The following CTSB variants were observed in gnomAD, a reference collection of about 807,000 sequenced individuals.
CTSB encodes APP secretase.
In CTSB, 57 loss-of-function variants were observed where a neutral mutation model predicts 44.3. The ratio of observed to expected loss-of-function variants is 1.29; its 90% CI spans 1.04 to 1.60. The LOEUF is 1.60. Ranked by LOEUF, CTSB falls within the 40% of genes most tolerant of loss-of-function variation. The probability of loss-of-function intolerance (pLI) is 0.00; values close to 1 mark genes in which losing one functional copy is unlikely to be tolerated. For synonymous variants in CTSB, 320 were observed against 168.0 expected (o/e 1.91, Z -7.00); for missense variants, 768 against 443.0 (o/e 1.73, Z -6.59).
At chr8:11,847,015 C>A (rs1199988861) in intron 8 of CTSB, 37 bp downstream of exon 8, 5 of 1,066,490 alleles carry the variant, frequency 4.7e-6, no homozygotes, top group Non-Finnish European at 5.9e-6. Flanking sequence ...CCCCTCCCGA[C>A]CCCCACCCTC....
At chr8:11,867,589 T>C (rs977321732) in intron 1 of CTSB, 1 of 152,228 alleles carries the variant, frequency 6.6e-6, no homozygotes, top group African/African-American at 2.4e-5. Flanking sequence ...TGTCGGCAGT[T>C]TGGCCCGGAG....
chr8:11,863,589 C>A (rs1420441142), intron 1 of CTSB, among the ~76,000 whole-genome samples: 1 of 152,182 alleles, frequency 6.6e-6, no homozygotes, highest in Admixed American at 6.5e-5. Flanking sequence ...AACATCAGAC[C>A]TTGGCGATGA....
In CTSB at chr8:11,847,820, A is replaced by C; in HGVS notation, c.535T>G (p.Cys179Gly). Residue 179 changes from cysteine (C) to glycine (G), a missense_variant and splice_region_variant, in exon 7 of 10, where the codon TGC becomes GGC. By Grantham distance (159) the Cys-to-Gly change is radical. Transcript: ENST00000353047. ...CAGGGAGGGATGGAGTACGGTCTGC[A>C]CCCTGATGGGACGCGGGAGAAAGCG... ...SGGLYESHVG[C>G]RPYSIPPCEH... 6.3e-7 allele frequency: 1 copy of C among 1,591,122 alleles called. No homozygotes were observed. Among genetic ancestry groups the C allele is most frequent in the Non-Finnish European group, 8.5e-7 (1 of 1,173,590 alleles).
chr8:11,846,971 A>G (rs1423805031), intron 8 of CTSB, 81 bp downstream of exon 8: 2 of 770,134 alleles, frequency 2.6e-6, no homozygotes, highest in African/African-American at 1.8e-5. Flanking sequence ...ATCCAGCCCT[A>G]TTGGTCAACA....
In CTSB at chr8:11,844,801, C is replaced by A; in HGVS notation, c.*324G>T. On this transcript the variant is annotated 3_prime_UTR_variant, in exon 10 of 10. Coordinates refer to ENST00000353047, the MANE Select transcript of CTSB (RefSeq NM_001908.5). ...CTGTTAGGAACTCCGCTTTCCATTC[C>A]TGCGTCTCTGTCTTGCTCCCTGGAG... is the stretch of plus-strand genomic sequence containing the variant. 7.4e-6 allele frequency: 2 copies of A among 269,492 alleles called. No homozygotes were observed. The highest frequency in any genetic ancestry group is 4.8e-5 in the Admixed American group (1 of 21,024). 16.7% of individuals were successfully genotyped at this position (269,492 alleles called of 1,614,324 possible). A position where few individuals can be genotyped will look rare whatever the true frequency, so the allele number is the denominator to read the frequency against.
chr8:11,846,520 G>C (rs961382646), intron 8 of CTSB: 1 of 152,854 alleles, frequency 6.5e-6, no homozygotes, highest in Non-Finnish European at 1.5e-5. Flanking sequence ...CTTGGGGATG[G>C]GGACTGTCCA....
chr8:11,850,024 G>C (rs1386640178), intron 4 of CTSB: 1 of 152,318 alleles, frequency 6.6e-6, no homozygotes, highest in Non-Finnish European at 1.5e-5. Flanking sequence ...GGTGTTAATG[G>C]GGACAGAGTT....
At chr8:11,855,385 G>A (rs1242248358) in intron 1 of CTSB, among the ~76,000 whole-genome samples, 5 of 152,198 alleles carry the variant, frequency 3.3e-5, no homozygotes, top group African/African-American at 7.2e-5. Context: ...GGCTGGGTGC[G>A]GTGGCTGATG....
chr8:11,853,641 C>G, intron 1 of CTSB, 162 bp from the exon 2 acceptor site: 1 of 656,842 alleles, frequency 1.5e-6, no homozygotes, highest in Non-Finnish European at 2.4e-6. Context: ...CCCCGCCCCC[C>G]TGCCCGAAGC....
intron 9 of CTSB, 111 bp from the exon 10 acceptor site, chr8:11,845,333 G>A (rs1194447997): frequency 2.5e-6 from 2 of 809,934 alleles, no homozygotes; most frequent in Admixed American, 2.1e-5. Flanking sequence ...CCTGCTGTTG[G>A]CCCACTAGCA....
At chr8:11,853,112 C>T (rs1487398897) in intron 2 of CTSB, among the ~76,000 whole-genome samples, 1 of 152,082 alleles carries the variant, frequency 6.6e-6, no homozygotes, top group African/African-American at 2.4e-5. Flanking sequence ...ACCATATATT[C>T]ATACACATGC....
At chr8:11,845,407 C>G (rs532769446) in intron 9 of CTSB, among the ~76,000 whole-genome samples, 185 bp from the exon 10 acceptor site, 1 of 152,224 alleles carries the variant, frequency 6.6e-6, no homozygotes, top group Admixed American at 6.5e-5. Context: ...AGCCCCCTGC[C>G]CGGTCACCCT....
chr8:11,845,252 G>A, intron 9 of CTSB, 30 bp from the exon 10 acceptor site: 1 of 1,527,636 alleles, frequency 6.5e-7, no homozygotes, highest in South Asian at 1.1e-5. Context: ...TGCTTTTAAA[G>A]TGTGACAAGG....
chr8:11,846,674 C>G (rs145734531), intron 8 of CTSB, among the ~76,000 whole-genome samples: 55 of 152,308 alleles, frequency 3.6e-4, no homozygotes, highest in Middle Eastern at 6.8e-3. Flanking sequence ...GAACGGCCTG[C>G]CATTATAACA....
In CTSB at chr8:11,852,602, G is replaced by T; in HGVS notation, c.212+8C>A. 1 of 1,610,502 alleles carries T rather than the reference G, an allele frequency of 6.2e-7. No individual in the cohort carries two copies. The highest frequency in any genetic ancestry group is 8.5e-7 in the Non-Finnish European group (1 of 1,177,592). ...ACATTACAGCGGTGCAGAGGAGCAG[G>T]CACTCACCTCTGGGGTGGCTTGGGC... On this transcript the variant is annotated splice_region_variant and intron_variant, in intron 3 of 9. Coordinates refer to ENST00000353047, the MANE Select transcript of CTSB (RefSeq NM_001908.5).
chr8:11,866,660 G>C (rs1357084193), intron 1 of CTSB, among the ~76,000 whole-genome samples: 6 of 152,210 alleles, frequency 3.9e-5, no homozygotes, highest in African/African-American at 1.4e-4. Context: ...AGGAGGTCAA[G>C]ATCTGCCTGG....
chr8:11,848,863 G>A (rs1813968483), intron 5 of CTSB, among the ~76,000 whole-genome samples, 183 bp downstream of exon 5: 1 of 152,172 alleles, frequency 6.6e-6, no homozygotes, highest in African/African-American at 2.4e-5. Context: ...GGCCAGCCTT[G>A]GTTCAGGCAC....
chr8:11,860,332 T>C (rs934173730), intron 1 of CTSB, among the ~76,000 whole-genome samples: 1 of 151,794 alleles, frequency 6.6e-6, no homozygotes, highest in Non-Finnish European at 1.5e-5. Context: ...CTCTAAAGAA[T>C]TGAAAGTTGG....
In CTSB at chr8:11,844,701, CCT is replaced by C. The variant is rs1200793859; in HGVS notation, c.*422_*423del. ...CCAAAGGGCTCCCAACACCGTCTCT[CCT>C]CTGATTTCTGTGACAAATGTGGAAA... On this transcript the variant is annotated 3_prime_UTR_variant, in exon 10 of 10. Transcript: ENST00000353047. 2 of 167,538 alleles carry C rather than the reference CCT, an allele frequency of 1.2e-5. No homozygotes were observed. The highest frequency in any genetic ancestry group is 5.8e-5 in the Admixed American group (1 of 17,170). The allele number at this position is 167,538 out of a possible 1,614,324, so 10.4% of individuals were successfully genotyped here.
Sources: allele counts gnomAD v4.1 joint callset (sites outside exome capture counted in the v4.1 genomes callset), GRCh38; gene constraint gnomAD v4.1.1; transcripts MANE v1.5; gene names NCBI Gene and HGNC (gene_info 2026-07-23, HGNC 2026-07-21).